SGCD: variants seen among roughly 807,000 people sequenced by gnomAD.
SGCD encodes the protein sarcoglycan delta, also known as delta-sarcoglycan.
SGCD carries 18 observed loss-of-function variants against 36.6 expected under a neutral mutation model. The observed-to-expected ratio is 0.49, with a 90% CI of 0.34 to 0.73. The LOEUF (loss-of-function observed/expected upper bound fraction) is 0.73, where lower values mean the gene tolerates loss of function less well. SGCD is among the 30% of genes least tolerant of loss of function. The probability of loss-of-function intolerance (pLI) is 0.01; values close to 1 mark genes in which losing one functional copy is unlikely to be tolerated. For synonymous variants in SGCD, 133 were observed against 130.6 expected (o/e 1.02, Z -0.12); for missense variants, 387 against 346.7 (o/e 1.12, Z -0.92).
chr5:155,874,248 T>C (rs1314610153), intron 1 of SGCD, among the ~76,000 whole-genome samples: 1 of 152,046 alleles, frequency 6.6e-6, no homozygotes, highest in Admixed American at 6.6e-5. Flanking sequence ...GGAAAGAGCT[T>C]TTTTTACAAC....
At chr5:156,017,265 C>T (rs1378555852) in intron 1 of SGCD, among the ~76,000 whole-genome samples, 2 of 152,064 alleles carry the variant, frequency 1.3e-5, no homozygotes, top group African/African-American at 4.8e-5. Context: ...CAAATATCTT[C>T]TTCTTATTTT....
chr5:156,680,573 T>C (rs1425555954), intron 7 of SGCD, among the ~76,000 whole-genome samples: 1 of 152,172 alleles, frequency 6.6e-6, no homozygotes, highest in Non-Finnish European at 1.5e-5. Flanking sequence ...TCCACTCAAC[T>C]AATAAGCACA....
At chr5:156,310,034 C>T (rs1175815196) in intron 3 of SGCD, among the ~76,000 whole-genome samples, 2 of 152,106 alleles carry the variant, frequency 1.3e-5, no homozygotes, top group Admixed American at 6.6e-5. Context: ...TATTGTTTTG[C>T]TTTAATTATT....
intron 3 of SGCD, among the ~76,000 whole-genome samples, chr5:156,251,210 C>T (rs1391372312): frequency 6.6e-6 from 1 of 152,152 alleles, no homozygotes; most frequent in Non-Finnish European, 1.5e-5. Flanking sequence ...AGCAGAATTA[C>T]AGAATTTTTT....
chr5:156,079,912 G>C (rs549487824), intron 1 of SGCD, among the ~76,000 whole-genome samples: 1 of 152,230 alleles, frequency 6.6e-6, no homozygotes, highest in East Asian at 1.9e-4. Context: ...AGTGCCCACT[G>C]TGTGGGGCCT....
intron 7 of SGCD, among the ~76,000 whole-genome samples, chr5:156,721,621 C>T (rs540692938): frequency 1.6e-4 from 24 of 152,228 alleles, no homozygotes; most frequent in Non-Finnish European, 2.8e-4. Context: ...TAATGGAGCA[C>T]ATCTGCATGC....
chr5:156,072,717 G>T (rs984016423), intron 1 of SGCD, among the ~76,000 whole-genome samples: 1 of 152,190 alleles, frequency 6.6e-6, no homozygotes, highest in African/African-American at 2.4e-5. Context: ...ATAATGTCCT[G>T]CAGAGTGTTT....
chr5:156,159,363 A>C (rs1436287128), intron 3 of SGCD, among the ~76,000 whole-genome samples: 8 of 151,686 alleles, frequency 5.3e-5, no homozygotes, highest in Non-Finnish European at 1.0e-4. Flanking sequence ...CATGATTATT[A>C]ATTTTAAATT....
At position 156,384,365 on chromosome 5, in the gene SGCD, C is replaced by T. The variant is rs558705474; in HGVS notation, c.192+39688C>T. Among the ~76,000 whole-genome samples, 4 of 152,256 alleles carry T rather than the reference C, an allele frequency of 2.6e-5. No homozygotes were observed. The South Asian group carries it at 8.3e-4, about 32-fold the overall frequency. On this transcript the variant is annotated intron_variant, in intron 3 of 8. Transcript: ENST00000337851. ...CCTAAATCTATGTGAGATGTCCCTC[C>T]TGTATGCTTCTGAATGATTGTGAAT...
At chr5:156,579,308 T>A (rs1055741063) in intron 4 of SGCD, among the ~76,000 whole-genome samples, 1 of 152,224 alleles carries the variant, frequency 6.6e-6, no homozygotes, top group African/African-American at 2.4e-5. Context: ...CTTTTACATT[T>A]GCTGAGGAAT....
intron 7 of SGCD, among the ~76,000 whole-genome samples, chr5:156,714,296 T>G (rs1413387315): frequency 6.6e-6 from 1 of 152,206 alleles, no homozygotes; most frequent in African/African-American, 2.4e-5. Flanking sequence ...ATTGCCACAT[T>G]TTTTGCACTT....
At chr5:155,891,130 A>G (rs984700845) in intron 1 of SGCD, among the ~76,000 whole-genome samples, 3 of 152,230 alleles carry the variant, frequency 2.0e-5, no homozygotes, top group Non-Finnish European at 2.9e-5. Flanking sequence ...TGAATGAGCA[A>G]AAGTCTTCAA....
At chr5:155,916,975 G>A (rs1388942805) in intron 1 of SGCD, among the ~76,000 whole-genome samples, 1 of 152,114 alleles carries the variant, frequency 6.6e-6, no homozygotes, top group Non-Finnish European at 1.5e-5. Context: ...TGCTTAAACT[G>A]TGACATTCTT....
chr5:156,070,296 A>T (rs1312156795), intron 1 of SGCD, among the ~76,000 whole-genome samples: 1 of 152,034 alleles, frequency 6.6e-6, no homozygotes, highest in Non-Finnish European at 1.5e-5. Context: ...TTATTTTGAG[A>T]TACGTCCCAT....
rs536955729 is a variant in SGCD at position 156,294,187 on chromosome 5, A to T, written c.-43-35347A>T. On this transcript the variant is annotated intron_variant, in intron 3 of 9. Coordinates refer to the SGCD transcript ENST00000517913. ...AATGATTTTTGCATGTCGACTTTGTATCCTTTTACTTTATTGAATTTGTTA... is the reference window on the plus strand; with the variant it reads ...AATGATTTTTGCATGTCGACTTTGTTTCCTTTTACTTTATTGAATTTGTTA... Among the ~76,000 whole-genome samples, 20 of 152,188 alleles carry T rather than the reference A, an allele frequency of 1.3e-4. No individual in the cohort carries two copies. The South Asian group carries it at 3.5e-3, about 27-fold the overall frequency.
chr5:155,917,958 G>T (rs113029315), intron 1 of SGCD, among the ~76,000 whole-genome samples: 13 of 152,238 alleles, frequency 8.5e-5, no homozygotes, highest in African/African-American at 3.1e-4. Flanking sequence ...TACCCTGTTA[G>T]GAACAGCATA....
At chr5:156,369,045 C>G (rs1376986337) in intron 3 of SGCD, among the ~76,000 whole-genome samples, 1 of 152,104 alleles carries the variant, frequency 6.6e-6, no homozygotes, top group Non-Finnish European at 1.5e-5. Flanking sequence ...CAGATGATTC[C>G]CTGTAATTCT....
intron 3 of SGCD, among the ~76,000 whole-genome samples, chr5:156,296,281 G>A (rs1766891268): frequency 6.6e-6 from 1 of 152,200 alleles, no homozygotes; most frequent in Admixed American, 6.5e-5. Flanking sequence ...CAATCACCTT[G>A]AGGAACTGGA....
At chr5:156,126,151 G>T (rs1479961274) in intron 3 of SGCD, among the ~76,000 whole-genome samples, 1 of 152,070 alleles carries the variant, frequency 6.6e-6, no homozygotes, top group African/African-American at 2.4e-5. Context: ...AAAGTACTGG[G>T]ATTACAGGCA....
Sources: gnomAD v4.1 joint callset for allele counts (sites outside exome capture counted in the v4.1 genomes callset) on GRCh38, gnomAD v4.1.1 for gene constraint, MANE v1.5 for transcripts, NCBI Gene and HGNC (gene_info 2026-07-23, HGNC 2026-07-21) for gene names.